DYRK1A: variants seen among roughly 807,000 people sequenced by gnomAD.
The protein encoded by DYRK1A is dual specificity tyrosine-phosphorylation-regulated kinase 1A.
DYRK1A carries 9 observed loss-of-function variants against 79.7 expected under a neutral mutation model. The observed-to-expected ratio is 0.11, with a 90% CI of 0.07 to 0.20. DYRK1A has a LOEUF of 0.20. Among genes scored for constraint, DYRK1A ranks in the 10% least tolerant of loss-of-function variants. The pLI is 1.00. For synonymous variants in DYRK1A, 349 were observed against 329.7 expected, an observed-to-expected ratio of 1.06 and a Z score of -0.63; for missense variants, 622 against 956.0, an observed-to-expected ratio of 0.65 and a Z score of 4.61.
intron 9 of DYRK1A, among the ~76,000 whole-genome samples, chr21:37,501,166 GTTTTTTT>G (rs34646709): frequency 1.1e-5 from 1 of 93,996 alleles, no homozygotes; most frequent in African/African-American, 4.7e-5. Context: ...GTTGTTGTTG[GTTTTTTT>G]TTTTTTTTTT....
At chr21:37,434,695 TTTATTTTAAAA>T (rs2050874100) in intron 2 of DYRK1A, among the ~76,000 whole-genome samples, 1 of 152,200 alleles carries the variant, frequency 6.6e-6, no homozygotes, top group South Asian at 2.1e-4. Flanking sequence ...TTAATTGGGT[TTTATTTTAAAA>T]TTATTTTTGA....
intron 1 of DYRK1A, among the ~76,000 whole-genome samples, chr21:37,402,497 T>C (rs1371510715): frequency 1.3e-5 from 2 of 152,244 alleles, no homozygotes; most frequent in Non-Finnish European, 2.9e-5. Context: ...ATTCCCTCGA[T>C]ATACCAGTCT....
chr21:37,478,116 G>T, intron 3 of DYRK1A, 92 bp from the exon 4 acceptor site: 1 of 1,541,600 alleles, frequency 6.5e-7, no homozygotes, highest in East Asian at 2.3e-5. Flanking sequence ...GTAGATACAT[G>T]CAGGTTACAG....
intron 1 of DYRK1A, among the ~76,000 whole-genome samples, chr21:37,370,992 T>A (rs2049418495): frequency 6.6e-6 from 1 of 152,230 alleles, no homozygotes. Flanking sequence ...AATTTTCTGA[T>A]GGCTAGAGAG....
intron 2 of DYRK1A, chr21:37,428,751 G>A (rs898868903): frequency 2.0e-5 from 3 of 152,030 alleles, no homozygotes; most frequent in African/African-American, 7.3e-5. Flanking sequence ...TCTTTGATAG[G>A]AAAACTAAAA....
chr21:37,400,812 A>G (rs78743949), intron 1 of DYRK1A, among the ~76,000 whole-genome samples: 2 of 152,142 alleles, frequency 1.3e-5, no homozygotes, highest in East Asian at 1.9e-4. Flanking sequence ...AAAATATACT[A>G]TGATTGTACC....
chr21:37,470,168 C>T (rs1029235316), intron 2 of DYRK1A, among the ~76,000 whole-genome samples: 2 of 151,778 alleles, frequency 1.3e-5, no homozygotes, highest in African/African-American at 2.4e-5. Flanking sequence ...AAAAACAAAT[C>T]GGGTTTTGGA....
At chr21:37,479,619 G>GTTTTTGTTTTTGTTTTTGTTTTTTT (rs2052550822) in intron 4 of DYRK1A, among the ~76,000 whole-genome samples, 1 of 73,898 alleles carries the variant, frequency 1.4e-5, no homozygotes, top group African/African-American at 5.2e-5. Context: ...TTTGTTTTTT[G>GTTTTTGTTTTTGTTTTTGTTTTTTT]TTTTTTTTTT....
intron 1 of DYRK1A, among the ~76,000 whole-genome samples, chr21:37,408,027 T>C (rs961476464): frequency 1.3e-5 from 2 of 152,028 alleles, no homozygotes; most frequent in Admixed American, 6.6e-5. Flanking sequence ...GTTATAGAAA[T>C]CAAAGCTTAC....
chr21:37,504,332 A>C (rs1183718512), intron 9 of DYRK1A: 3 of 152,302 alleles, frequency 2.0e-5, no homozygotes, highest in Non-Finnish European at 2.9e-5. Context: ...CCTGGCCGTC[A>C]GAAGTTGGTT....
chr21:37,370,790 T>C (rs1052565046), intron 1 of DYRK1A, among the ~76,000 whole-genome samples: 3 of 152,298 alleles, frequency 2.0e-5, no homozygotes, highest in Middle Eastern at 3.4e-3. Context: ...TTTACCTCCA[T>C]ATATGTTCGT....
intron 2 of DYRK1A, among the ~76,000 whole-genome samples, chr21:37,446,429 A>G (rs1048049030): frequency 6.6e-6 from 1 of 152,212 alleles, no homozygotes; most frequent in Admixed American, 6.5e-5. Context: ...TGGCCTACTA[A>G]GGTCTGTGGG....
chr21:37,491,093 T>C (rs1171145933), intron 7 of DYRK1A, among the ~76,000 whole-genome samples: 1 of 152,214 alleles, frequency 6.6e-6, no homozygotes, highest in Non-Finnish European at 1.5e-5. Context: ...TAAATAAGTT[T>C]GTCTTATTTT....
intron 1 of DYRK1A, among the ~76,000 whole-genome samples, chr21:37,404,675 G>C (rs1383105554): frequency 6.6e-6 from 1 of 152,214 alleles, no homozygotes; most frequent in Non-Finnish European, 1.5e-5. Context: ...TGACCCTTCA[G>C]GGATCACAGT....
chr21:37,500,244 A>G (rs919118925), intron 9 of DYRK1A, among the ~76,000 whole-genome samples: 1 of 152,186 alleles, frequency 6.6e-6, no homozygotes, highest in African/African-American at 2.4e-5. Flanking sequence ...TATAGAGATC[A>G]TCATATGATT....
Position 37,367,183 on chromosome 21 carries a change from G to C in DYRK1A, c.-522G>C, listed in dbSNP as rs2049324523. 6.6e-6 allele frequency: 1 copy of C among 151,790 alleles called. No individual in the cohort carries two copies. Among genetic ancestry groups the C allele is most frequent in the South Asian group, 2.1e-4 (1 of 4,826 alleles). The allele number at this position is 151,790 out of a possible 1,614,324, so 9.4% of individuals were successfully genotyped here. A position where few individuals can be genotyped will look rare whatever the true frequency, so the allele number is the denominator to read the frequency against. On this transcript the variant is annotated 5_prime_UTR_variant, in exon 1 of 12. Coordinates refer to ENST00000647188, the MANE Select transcript of DYRK1A (RefSeq NM_001347721.2). ...CGGGGACTCGGGGGCGGGCGGTTCGGGCTCTCCTGGCGGAGGAGCCGCCGC... is the reference window on the plus strand; with the variant it reads ...CGGGGACTCGGGGGCGGGCGGTTCGCGCTCTCCTGGCGGAGGAGCCGCCGC...
Position 37,382,235 on chromosome 21 carries a change from T to A in DYRK1A, c.-77+14607T>A, listed in dbSNP as rs56961960. ...TTTTTTTTTAAAAAAAAAAATTAAA[T>A]TTTTTTTTATAGTGATCTCACTTTT... On this transcript the variant is annotated intron_variant, in intron 1 of 11. Coordinates refer to ENST00000647188, the MANE Select transcript of DYRK1A (RefSeq NM_001347721.2). Among the ~76,000 whole-genome samples, 640 of 150,988 alleles carry A rather than the reference T, an allele frequency of 4.2e-3. 3 individuals carry two copies. Among genetic ancestry groups the A allele is most frequent in the African/African-American group, 0.015 (598 of 41,182 alleles).
chr21:37,411,392 T>C (rs1290501153), intron 1 of DYRK1A, among the ~76,000 whole-genome samples: 2 of 134,944 alleles, frequency 1.5e-5, no homozygotes, highest in Admixed American at 7.9e-5. Context: ...ATGACAGTTA[T>C]ACTACATGAA....
chr21:37,458,554 A>G (rs2051735835), intron 2 of DYRK1A, among the ~76,000 whole-genome samples: 2 of 151,992 alleles, frequency 1.3e-5, no homozygotes, highest in Admixed American at 6.6e-5. Flanking sequence ...TACATGGTTG[A>G]GGGTGATGAT....
Sources: allele counts gnomAD v4.1 joint callset (sites outside exome capture counted in the v4.1 genomes callset), GRCh38; gene constraint gnomAD v4.1.1; transcripts MANE v1.5; gene names NCBI Gene and HGNC (gene_info 2026-07-23, HGNC 2026-07-21).